Variants in RBM6 observed in about 807,000 individuals in gnomAD.
The protein encoded by RBM6 is RNA binding motif protein 6, also known as RNA-binding protein 6.
A neutral mutation model predicts 140.4 loss-of-function variants in RBM6; 23 were observed. The observed-to-expected ratio is 0.16, with a 90% CI of 0.12 to 0.23. The LOEUF (loss-of-function observed/expected upper bound fraction) is 0.23. Ranked by LOEUF, RBM6 falls within the 10% of genes least tolerant of loss-of-function variation. The pLI, the probability that RBM6 is intolerant of heterozygous loss-of-function variation, is 1.00. For missense variants in RBM6, 1,139 were observed against 1,386.7 expected (o/e 0.82, Z 2.84); for synonymous variants, 439 against 475.6 (o/e 0.92, Z 1.00).
At chr3:50,044,549 C>A (rs2089123796) in intron 6 of RBM6, among the ~76,000 whole-genome samples, 1 of 151,188 alleles carries the variant, frequency 6.6e-6, no homozygotes, top group Non-Finnish European at 1.5e-5. Flanking sequence ...CATCACTGCA[C>A]TCCAGCCTGG....
chr3:50,003,692 A>G (rs2108747829), intron 6 of RBM6, among the ~76,000 whole-genome samples: 3 of 152,362 alleles, frequency 2.0e-5, no homozygotes, highest in East Asian at 3.9e-4. Context: ...GTTAAACAGT[A>G]GGATGCTCTG....
chr3:49,947,261 AAGGG>A (rs77000852), intron 1 of RBM6, among the ~76,000 whole-genome samples: 41 of 21,472 alleles, frequency 1.9e-3, no homozygotes, highest in African/African-American at 6.2e-3. Context: ...CAAAAAAAAA[AAGGG>A]GGGGGGGGGG....
chr3:50,061,560 C>CGT lies in RBM6; in HGVS notation c.2439+13_2439+14insGT. The CGT allele has an allele frequency of 2.4e-6, 3 of 1,268,038 alleles. No homozygotes were observed. The highest frequency in any genetic ancestry group is 2.9e-6 in the Non-Finnish European group (3 of 1,020,728). 78.5% of individuals were successfully genotyped at this position (1,268,038 alleles called of 1,614,324 possible). Reference sequence around the variant, plus strand: ...CCCCAATACCCAGGTGAGTTTGGGGCTTTTTTTTTTTTTTTTTTTTTTTTA... The same window carrying CGT: ...CCCCAATACCCAGGTGAGTTTGGGGCGTTTTTTTTTTTTTTTTTTTTTTTTTA... On this transcript the variant is annotated intron_variant, in intron 14 of 20. Transcript: ENST00000266022.
intron 6 of RBM6, among the ~76,000 whole-genome samples, chr3:50,045,441 C>T (rs2089175246): frequency 6.6e-6 from 1 of 152,174 alleles, no homozygotes; most frequent in African/African-American, 2.4e-5. Flanking sequence ...TTGATTCATT[C>T]AACAAGAGCT....
At chr3:50,073,159 C>T (rs2090358050) in intron 19 of RBM6, among the ~76,000 whole-genome samples, 1 of 152,210 alleles carries the variant, frequency 6.6e-6, no homozygotes, top group African/African-American at 2.4e-5. Flanking sequence ...CCTCCTTTAT[C>T]CCCTGTGTCC....
At chr3:50,035,340 C>T (rs1301312899) in intron 6 of RBM6, among the ~76,000 whole-genome samples, 1 of 151,976 alleles carries the variant, frequency 6.6e-6, no homozygotes, top group Non-Finnish European at 1.5e-5. Context: ...GGATAGAGAG[C>T]AGTTAAAACT....
chr3:50,033,944 A>G (rs2088343808), intron 6 of RBM6, among the ~76,000 whole-genome samples: 2 of 152,014 alleles, frequency 1.3e-5, no homozygotes, highest in Admixed American at 1.3e-4. Context: ...TTGGCCGGAT[A>G]TAGTTTTTCT....
At chr3:50,063,724 AC>A (rs1334377037) in intron 15 of RBM6, among the ~76,000 whole-genome samples, 1 of 151,614 alleles carries the variant, frequency 6.6e-6, no homozygotes, top group African/African-American at 2.4e-5. Context: ...ATATGGTGAA[AC>A]CCCCATCTCT....
chr3:50,033,705 C>T (rs946116083), intron 6 of RBM6, among the ~76,000 whole-genome samples: 4 of 151,958 alleles, frequency 2.6e-5, no homozygotes, highest in African/African-American at 7.3e-5. Context: ...AGTGCAGTGG[C>T]GTAATCTCAG....
chr3:49,996,249 A>G (rs2086081543), intron 5 of RBM6, among the ~76,000 whole-genome samples: 1 of 152,196 alleles, frequency 6.6e-6, no homozygotes, highest in Admixed American at 6.5e-5. Context: ...CAACCAAAGG[A>G]AAAGTGATCT....
chr3:50,001,476 C>T (rs950817451), intron 6 of RBM6, among the ~76,000 whole-genome samples: 24 of 152,158 alleles, frequency 1.6e-4, no homozygotes, highest in Admixed American at 1.6e-3. Flanking sequence ...GTACAGTTAA[C>T]TATTTATATA....
At chr3:50,038,317 G>A (rs1214755330) in intron 6 of RBM6, among the ~76,000 whole-genome samples, 1 of 152,098 alleles carries the variant, frequency 6.6e-6, no homozygotes, top group Non-Finnish European at 1.5e-5. Flanking sequence ...AAAAGGAATA[G>A]TTTTATTATA....
At position 49,962,676 on chromosome 3, in the gene RBM6, G is replaced by A; in HGVS notation, c.35G>A (p.Gly12Glu). Residue 12 changes from glycine to glutamate, a missense_variant, in exon 2 of 21, where the codon GGA (glycine) becomes GAA (glutamate). Gly to Glu is a moderately conservative substitution (Grantham distance 98, BLOSUM62 -2). Coordinates refer to ENST00000266022, the MANE Select transcript of RBM6 (RefSeq NM_005777.3). ...WGDSRPANRT[G>E]PFRGSQEERF... ...GATTCTCGACCTGCTAACAGAACTG[G>A]ACCTTTTCGGTAAGTTCTCAAATTT... 6.4e-7 allele frequency: 1 copy of A among 1,574,440 alleles called. No homozygotes were observed. The highest frequency in any genetic ancestry group is 8.6e-7 in the Non-Finnish European group (1 of 1,166,724).
At chr3:49,996,985 G>A (rs1160158378) in intron 5 of RBM6, among the ~76,000 whole-genome samples, 1 of 151,966 alleles carries the variant, frequency 6.6e-6, no homozygotes, top group Non-Finnish European at 1.5e-5. Flanking sequence ...CTAAAATCAG[G>A]TTAATAATAT....
intron 5 of RBM6, among the ~76,000 whole-genome samples, chr3:49,979,761 G>A (rs926581074): frequency 3.3e-5 from 5 of 152,048 alleles, no homozygotes; most frequent in Non-Finnish European, 7.4e-5. Context: ...TTTTTAAAAA[G>A]GCTACATACT....
intron 6 of RBM6, among the ~76,000 whole-genome samples, chr3:50,035,837 T>C (rs1260124327): frequency 3.3e-5 from 5 of 151,934 alleles, no homozygotes; most frequent in Non-Finnish European, 5.9e-5. Flanking sequence ...TTCGGCTCAC[T>C]GCAACCTCCC....
At chr3:50,058,339 G>A in intron 9 of RBM6, 63 bp from the exon 10 acceptor site, 2 of 1,512,124 alleles carry the variant, frequency 1.3e-6, no homozygotes, top group South Asian at 2.3e-5. Context: ...CAGATTCTTG[G>A]GACTTCAAAA....
chr3:49,960,266 G>A (rs773886235), intron 1 of RBM6, among the ~76,000 whole-genome samples: 5 of 152,198 alleles, frequency 3.3e-5, no homozygotes, highest in Non-Finnish European at 5.9e-5. Flanking sequence ...TGCTGGAGAG[G>A]GGGTAGGGCA....
chr3:49,989,183 G>A (rs1312016037), intron 5 of RBM6, among the ~76,000 whole-genome samples: 1 of 152,110 alleles, frequency 6.6e-6, no homozygotes, highest in Non-Finnish European at 1.5e-5. Flanking sequence ...GCCTTTGTTT[G>A]TCTGAAAGTC....
Sources: allele counts gnomAD v4.1 joint callset (sites outside exome capture counted in the v4.1 genomes callset), GRCh38; gene constraint gnomAD v4.1.1; transcripts MANE v1.5; gene names NCBI Gene and HGNC (gene_info 2026-07-23, HGNC 2026-07-21).